TTLL5: variants seen among roughly 807,000 people sequenced by gnomAD.
TTLL5 encodes the protein tubulin tyrosine ligase like 5, also known as tubulin polyglutamylase TTLL5.
Under a neutral mutation model 168.4 loss-of-function variants are expected in TTLL5, and 132 were observed. The ratio of observed to expected loss-of-function variants is 0.78; its 90% confidence interval spans 0.68 to 0.91. The LOEUF is 0.91. Ranked by LOEUF, TTLL5 falls within the 40% of genes least tolerant of loss-of-function variation. TTLL5 has a pLI of 0.00. For synonymous variants in TTLL5, 546 were observed against 558.6 expected, an observed-to-expected ratio of 0.98 and a Z score of 0.32; for missense variants, 1,545 against 1,581.5, an observed-to-expected ratio of 0.98 and a Z score of 0.39.
chr14:75,880,791 C>T (rs72725630), intron 29 of TTLL5, among the ~76,000 whole-genome samples: 7,263 of 152,284 alleles, frequency 0.048, 257 homozygotes, highest in Non-Finnish European at 0.076. Flanking sequence ...CTGAGGAGGC[C>T]TGCTTTAGCA....
chr14:75,734,075 G>T (rs753929294), intron 14 of TTLL5, 25 bp downstream of exon 14: 2 of 1,610,334 alleles, frequency 1.2e-6, no homozygotes, highest in South Asian at 1.1e-5. Flanking sequence ...TTTCTGAACT[G>T]GACTCACATA....
intron 6 of TTLL5, among the ~76,000 whole-genome samples, chr14:75,693,818 T>A (rs1412078791): frequency 6.6e-6 from 1 of 152,224 alleles, no homozygotes; most frequent in Non-Finnish European, 1.5e-5. Context: ...AACATGTGAA[T>A]TTTCATGTCC....
chr14:75,840,843 A>T (rs774435103), intron 28 of TTLL5, among the ~76,000 whole-genome samples: 1 of 152,148 alleles, frequency 6.6e-6, no homozygotes, highest in Non-Finnish European at 1.5e-5. Context: ...TGCTATAAAG[A>T]AATACCTGAG....
intron 17 of TTLL5, 50 bp from the exon 18 acceptor site, chr14:75,752,843 T>G: frequency 6.5e-7 from 1 of 1,543,308 alleles, no homozygotes; most frequent in Non-Finnish European, 8.9e-7. Context: ...TTCTACATTT[T>G]CCTCTTGAAC....
intron 31 of TTLL5, chr14:75,941,515 G>T (rs1027321006): frequency 6.6e-6 from 1 of 152,188 alleles, no homozygotes; most frequent in African/African-American, 2.4e-5. Flanking sequence ...TTGCATTTAG[G>T]TAATATTTTA....
chr14:75,759,605 A>G (rs896050013), intron 18 of TTLL5, among the ~76,000 whole-genome samples: 1 of 152,136 alleles, frequency 6.6e-6, no homozygotes, highest in Non-Finnish European at 1.5e-5. Context: ...ACAGGCTAAT[A>G]TCCTTCATGA....
chr14:75,874,814 G>GTA (rs2139996907), intron 29 of TTLL5, among the ~76,000 whole-genome samples: 1 of 150,378 alleles, frequency 6.6e-6, no homozygotes, highest in South Asian at 2.2e-4. Flanking sequence ...ATGTGTGTGT[G>GTA]TATATATGCG....
intron 31 of TTLL5, among the ~76,000 whole-genome samples, chr14:75,940,180 C>T (rs1249492181): frequency 6.7e-6 from 1 of 150,098 alleles, no homozygotes; most frequent in Non-Finnish European, 1.5e-5. Flanking sequence ...CCCAGGTTCA[C>T]ACCATAGGCT....
chr14:75,901,732 A>G (rs1446558283), intron 30 of TTLL5, among the ~76,000 whole-genome samples: 2 of 152,184 alleles, frequency 1.3e-5, no homozygotes, highest in Non-Finnish European at 2.9e-5. Context: ...CCACTCTTCC[A>G]CATGAGACTT....
At chr14:75,681,757 A>G (rs1884628568) in intron 4 of TTLL5, 130 bp downstream of exon 4, 1 of 678,896 alleles carries the variant, frequency 1.5e-6, no homozygotes, top group African/African-American at 1.8e-5. Context: ...GTGGTCCAGA[A>G]CTCAGATTGA....
chr14:75,696,586 A>G (rs1404109629), intron 6 of TTLL5, among the ~76,000 whole-genome samples: 1 of 152,214 alleles, frequency 6.6e-6, no homozygotes, highest in Non-Finnish European at 1.5e-5. Flanking sequence ...ATAACTATAA[A>G]TATGTCTTCT....
At position 75,701,512 on chromosome 14, in the gene TTLL5, T is replaced by C. The variant is rs559049629; in HGVS notation, c.585+2242T>C. 6.6e-5 allele frequency among the ~76,000 whole-genome samples: 10 copies of C among 152,356 alleles called. No individual in the cohort carries two copies. The East Asian group carries it at 1.7e-3, about 26-fold the overall frequency. On this transcript the variant is annotated intron_variant, in intron 7 of 31. Coordinates refer to ENST00000298832, the MANE Select transcript of TTLL5 (RefSeq NM_015072.5). ...ACATGTTGACTCTCAGGCTTTACTT[T>C]AGGTGGACATGGTGAGAAGCACTCC...
rs577293549 is a variant in TTLL5, at chr14:75,940,331, G to A, written c.3824-14093G>A. 2.5e-4 allele frequency among the ~76,000 whole-genome samples: 38 copies of A among 151,632 alleles called. No individual in the cohort carries two copies. In the East Asian group the frequency reaches 3.5e-3, roughly 14 times the overall value. ...CCTGACCTCATGATCCACCCGCCTC[G>A]GCCTCCCAAAGTGCTGGGATTACAG... On this transcript the variant is annotated intron_variant, in intron 31 of 31. Transcript: ENST00000298832.
At chr14:75,881,216 G>C (rs2031796714) in intron 29 of TTLL5, among the ~76,000 whole-genome samples, 1 of 152,188 alleles carries the variant, frequency 6.6e-6, no homozygotes, top group African/African-American at 2.4e-5. Flanking sequence ...ACCTGGCTTT[G>C]TCTTTGTTCC....
intron 16 of TTLL5, 140 bp downstream of exon 16, chr14:75,745,348 G>A (rs1889539077): frequency 2.5e-6 from 3 of 1,191,344 alleles, no homozygotes; most frequent in Non-Finnish European, 3.6e-6. Flanking sequence ...TGTTTTCTCA[G>A]GGAAGAACAT....
At chr14:75,911,541 T>C (rs569265952) in intron 31 of TTLL5, among the ~76,000 whole-genome samples, 12 of 152,226 alleles carry the variant, frequency 7.9e-5, no homozygotes, top group Admixed American at 2.0e-4. Flanking sequence ...GTTAGAAGAA[T>C]CACTCTTATT....
chr14:75,775,449 C>T, intron 21 of TTLL5, 35 bp from the exon 22 acceptor site: 1 of 1,609,752 alleles, frequency 6.2e-7, no homozygotes, highest in Non-Finnish European at 8.5e-7. Context: ...CACCATCCCT[C>T]CTTTTTTTTT....
At chr14:75,841,754 A>G (rs1268056306) in intron 28 of TTLL5, among the ~76,000 whole-genome samples, 1 of 152,184 alleles carries the variant, frequency 6.6e-6, no homozygotes, top group Non-Finnish European at 1.5e-5. Flanking sequence ...AAATAGTTGT[A>G]CAAGTGGTAC....
At chr14:75,751,340 G>A (rs1336548422) in intron 17 of TTLL5, among the ~76,000 whole-genome samples, 4 of 152,142 alleles carry the variant, frequency 2.6e-5, no homozygotes, top group East Asian at 1.9e-4. Context: ...CCGTTTCACC[G>A]AAAGGAAGCA....
Sources: gnomAD v4.1 joint callset for allele counts (sites outside exome capture counted in the v4.1 genomes callset) on GRCh38, gnomAD v4.1.1 for gene constraint, MANE v1.5 for transcripts, NCBI Gene and HGNC (gene_info 2026-07-23, HGNC 2026-07-21) for gene names.